Variants in TAFA4 observed in about 807,000 individuals in gnomAD.
The protein encoded by TAFA4 is chemokine-like protein TAFA-4.
Under a neutral mutation model 21.1 loss-of-function variants are expected in TAFA4, and 20 were observed. The observed-to-expected ratio is 0.95, with a 90% CI of 0.67 to 1.38. The LOEUF (loss-of-function observed/expected upper bound fraction) is 1.38, where lower values mean the gene tolerates loss of function less well. TAFA4 is among the 40% of genes most tolerant of loss of function. TAFA4 has a pLI of 0.00. For synonymous variants in TAFA4, 71 were observed against 67.4 expected, an observed-to-expected ratio of 1.05 and a Z score of -0.26; for missense variants, 211 against 180.9, an observed-to-expected ratio of 1.17 and a Z score of -0.95.
intron 1 of TAFA4, among the ~76,000 whole-genome samples, chr3:68,907,949 C>T (rs1276393803): frequency 6.6e-6 from 1 of 152,292 alleles, no homozygotes; most frequent in East Asian, 1.9e-4. Flanking sequence ...GCAACGATTA[C>T]TTGGAATCAG....
At chr3:68,754,982 A>T (rs1575596348) in intron 3 of TAFA4, among the ~76,000 whole-genome samples, 1 of 152,114 alleles carries the variant, frequency 6.6e-6, no homozygotes, top group East Asian at 1.9e-4. Flanking sequence ...ATCCTTGATG[A>T]CTTTTTGTGG....
At chr3:68,886,346 T>C (rs2089672328) in intron 1 of TAFA4, among the ~76,000 whole-genome samples, 1 of 152,330 alleles carries the variant, frequency 6.6e-6, no homozygotes, top group South Asian at 2.1e-4. Flanking sequence ...TAAATAGCTG[T>C]ATAAACACAA....
At chr3:68,838,601 G>A (rs1186857704) in intron 3 of TAFA4, among the ~76,000 whole-genome samples, 5 of 152,148 alleles carry the variant, frequency 3.3e-5, no homozygotes, top group African/African-American at 1.2e-4. Context: ...AAATATTTTA[G>A]GGTTTGCGGG....
intron 1 of TAFA4, among the ~76,000 whole-genome samples, chr3:68,891,988 G>C: frequency 6.6e-6 from 1 of 152,146 alleles, no homozygotes; most frequent in Non-Finnish European, 1.5e-5. Context: ...AAATAAGGCA[G>C]GTATTAATGA....
intron 1 of TAFA4, among the ~76,000 whole-genome samples, chr3:68,888,288 T>G (rs2089694562): frequency 6.6e-6 from 1 of 152,124 alleles, no homozygotes; most frequent in Non-Finnish European, 1.5e-5. Flanking sequence ...GCTTGAGACT[T>G]CATCAGAATG....
chr3:68,874,494 G>A (rs1037133114), intron 3 of TAFA4, among the ~76,000 whole-genome samples: 10 of 151,998 alleles, frequency 6.6e-5, no homozygotes, highest in Non-Finnish European at 1.0e-4. Flanking sequence ...TATAGCACTG[G>A]CATACAGATG....
At chr3:68,878,528 G>T (rs541303339) in intron 3 of TAFA4, among the ~76,000 whole-genome samples, 40 of 152,162 alleles carry the variant, frequency 2.6e-4, no homozygotes, top group Non-Finnish European at 4.6e-4. Context: ...CCTCTTGTGG[G>T]GAAATAAGGC....
At chr3:68,851,617 T>A (rs1282518372) in intron 3 of TAFA4, among the ~76,000 whole-genome samples, 1 of 152,200 alleles carries the variant, frequency 6.6e-6, no homozygotes, top group Non-Finnish European at 1.5e-5. Context: ...TTTAAATACT[T>A]GCTAGGCAAA....
chr3:68,805,984 A>C (rs1703690646), intron 3 of TAFA4, among the ~76,000 whole-genome samples: 1 of 152,142 alleles, frequency 6.6e-6, no homozygotes, highest in African/African-American at 2.4e-5. Context: ...AAAAAGTACA[A>C]AACCAGAGAA....
intron 2 of TAFA4, chr3:68,883,217 G>A (rs2089636582): frequency 6.6e-6 from 1 of 152,284 alleles, no homozygotes; most frequent in East Asian, 1.9e-4. Context: ...GTGCTCTCAG[G>A]TTGTTGGCAA....
intron 3 of TAFA4, among the ~76,000 whole-genome samples, chr3:68,769,740 C>T (rs931397433): frequency 2.0e-5 from 3 of 152,038 alleles, no homozygotes; most frequent in Non-Finnish European, 4.4e-5. Context: ...AAAACAAATG[C>T]AGAAATCCCA....
At chr3:68,897,180 G>A (rs543659805) in intron 1 of TAFA4, among the ~76,000 whole-genome samples, 1 of 152,144 alleles carries the variant, frequency 6.6e-6, no homozygotes, top group Non-Finnish European at 1.5e-5. Context: ...GGGATTACAG[G>A]TGTGAGCCAC....
intron 3 of TAFA4, among the ~76,000 whole-genome samples, chr3:68,772,410 G>A (rs1181141048): frequency 6.6e-6 from 1 of 152,138 alleles, no homozygotes. Context: ...ATTAAGGTGG[G>A]TGAGTGCCAT....
intron 3 of TAFA4, among the ~76,000 whole-genome samples, chr3:68,791,724 CAA>C (rs1371198235): frequency 2.0e-5 from 3 of 152,176 alleles, no homozygotes; most frequent in African/African-American, 7.2e-5. Flanking sequence ...TCTCAAACTT[CAA>C]AGACTACAAG....
At chr3:68,871,791 T>C (rs557266819) in intron 3 of TAFA4, among the ~76,000 whole-genome samples, 1 of 152,028 alleles carries the variant, frequency 6.6e-6, no homozygotes, top group South Asian at 2.1e-4. Context: ...CCAACAGGTA[T>C]ATGAAAAAAT....
rs1704991629 is a variant in TAFA4 at position 68,853,235 on chromosome 3, A to C, written c.130+27495T>G. ...TTATCTACTATAGAGTTAAGGAAAA[A>C]AAACTTTTTTTTCTCTGCTAGTATT... On this transcript the variant is annotated intron_variant, in intron 3 of 5. Coordinates refer to ENST00000295569, the MANE Select transcript of TAFA4 (RefSeq NM_182522.5). 2.6e-5 allele frequency among the ~76,000 whole-genome samples: 4 copies of C among 151,932 alleles called. No homozygotes were observed. In the South Asian group the frequency reaches 8.3e-4, roughly 32 times the overall value.
chr3:68,785,628 G>A (rs555019387), intron 3 of TAFA4, among the ~76,000 whole-genome samples: 38 of 152,328 alleles, frequency 2.5e-4, no homozygotes, highest in African/African-American at 7.9e-4. Context: ...GTGCAGCCCC[G>A]GTTCCCGTCC....
intron 3 of TAFA4, among the ~76,000 whole-genome samples, chr3:68,768,966 G>C (rs373502710): frequency 6.6e-6 from 1 of 152,170 alleles, no homozygotes; most frequent in Non-Finnish European, 1.5e-5. Flanking sequence ...GAAGAGATTC[G>C]TCAATGGCTA....
In TAFA4 at chr3:68,732,024, G is replaced by A. The variant is rs1271687158; in HGVS notation, c.*1118C>T. On this transcript the variant is annotated 3_prime_UTR_variant, in exon 6 of 6. Coordinates refer to ENST00000295569, the MANE Select transcript of TAFA4 (RefSeq NM_182522.5). ...TCATCCCATATTTTTACAGTAGTATGTACTTTAACAACATTATACATCTAA... is the reference window on the plus strand; with the variant it reads ...TCATCCCATATTTTTACAGTAGTATATACTTTAACAACATTATACATCTAA... 1 of 152,430 alleles carries A rather than the reference G, an allele frequency of 6.6e-6. No individual in the cohort carries two copies. Among genetic ancestry groups the A allele is most frequent in the African/African-American group, 2.4e-5 (1 of 41,426 alleles). The allele number at this position is 152,430 out of a possible 1,614,324, so 9.4% of individuals were successfully genotyped here. A position where few individuals can be genotyped will look rare whatever the true frequency, so the allele number is the denominator to read the frequency against.
Sources: gnomAD v4.1 joint callset for allele counts (sites outside exome capture counted in the v4.1 genomes callset) on GRCh38, gnomAD v4.1.1 for gene constraint, MANE v1.5 for transcripts, NCBI Gene and HGNC (gene_info 2026-07-23, HGNC 2026-07-21) for gene names.